The following DOCK2 variants were observed in gnomAD, a reference collection of about 807,000 sequenced individuals.
The protein encoded by DOCK2 is dedicator of cytokinesis protein 2.
In DOCK2, 87 loss-of-function variants were observed where a neutral mutation model predicts 248.9. The ratio of observed to expected loss-of-function variants is 0.35; its 90% confidence interval spans 0.29 to 0.42. The LOEUF (loss-of-function observed/expected upper bound fraction) is 0.42, where lower values mean the gene tolerates loss of function less well. Ranked by LOEUF, DOCK2 falls within the 10% of genes least tolerant of loss-of-function variation. The probability of loss-of-function intolerance (pLI) is 1.00; values close to 1 mark genes in which losing one functional copy is unlikely to be tolerated. For synonymous variants in DOCK2, 805 were observed against 821.6 expected (o/e 0.98, Z 0.35); for missense variants, 1,747 against 2,300.2 (o/e 0.76, Z 4.92).
chr5:169,731,822 A>G (rs1762789697), intron 22 of DOCK2, among the ~76,000 whole-genome samples: 1 of 151,972 alleles, frequency 6.6e-6, no homozygotes, highest in African/African-American at 2.4e-5. Context: ...TAAAATGAAG[A>G]GCTTGCCTAT....
intron 2 of DOCK2, among the ~76,000 whole-genome samples, chr5:169,666,193 G>A (rs773329531): frequency 1.3e-5 from 2 of 152,144 alleles, no homozygotes; most frequent in Non-Finnish European, 2.9e-5. Flanking sequence ...ACATGGCAGA[G>A]AGCAAAGAGA....
Position 169,810,979 on chromosome 5 carries a change from TCTCTCTCTCTCACACA to T in DOCK2, c.2703+7775_2703+7790del, listed in dbSNP as rs1767707535. The stretch of plus-strand genomic sequence containing the variant: ...TACACACACACACACAGACTCTCTC[TCTCTCTCTCTCACACA>T]CACACACACACACACACACACACAC... On this transcript the variant is annotated intron_variant, in intron 26 of 51. Coordinates refer to ENST00000520908, the MANE Select transcript of DOCK2 (RefSeq NM_004946.3). Among the ~76,000 whole-genome samples the T allele has an allele frequency of 2.9e-5, 4 of 136,298 alleles. No individual in the cohort carries two copies. In the South Asian group the frequency reaches 8.8e-4, roughly 30 times the overall value. The allele number at this position is 136,298 out of a possible 152,430, so 89.4% of individuals were successfully genotyped here.
At chr5:169,855,585 G>C (rs1178488727) in intron 27 of DOCK2, among the ~76,000 whole-genome samples, 1 of 152,204 alleles carries the variant, frequency 6.6e-6, no homozygotes, top group African/African-American at 2.4e-5. Context: ...GTGTGTCTTA[G>C]AGAGAGGCCC....
intron 6 of DOCK2, 99 bp from the exon 7 acceptor site, chr5:169,681,645 G>A: frequency 2.1e-6 from 3 of 1,414,154 alleles, no homozygotes; most frequent in South Asian, 1.5e-5. Context: ...GTGACTATAT[G>A]ACCCCCAGAA....
chr5:169,876,106 C>T, intron 27 of DOCK2, among the ~76,000 whole-genome samples: 1 of 152,184 alleles, frequency 6.6e-6, no homozygotes, highest in East Asian at 1.9e-4. Context: ...CCACGGCACT[C>T]TGACCTTTGC....
chr5:169,685,355 G>T (rs1333148090), intron 8 of DOCK2, among the ~76,000 whole-genome samples: 5 of 152,200 alleles, frequency 3.3e-5, no homozygotes, highest in African/African-American at 7.2e-5. Context: ...AGACTTTGCT[G>T]CTCCTCCGGC....
chr5:170,024,574 G>A (rs1047438805), intron 33 of DOCK2, among the ~76,000 whole-genome samples: 3 of 152,118 alleles, frequency 2.0e-5, no homozygotes, highest in Admixed American at 6.5e-5. Context: ...TGTGCCAAGT[G>A]CCTTATACGT....
At chr5:169,900,369 T>C (rs1430392887) in intron 27 of DOCK2, among the ~76,000 whole-genome samples, 2 of 152,194 alleles carry the variant, frequency 1.3e-5, no homozygotes, top group African/African-American at 4.8e-5. Flanking sequence ...TTCAAAGGTG[T>C]GCCTTGAGTC....
At chr5:169,753,439 A>G (rs1191264097) in intron 23 of DOCK2, among the ~76,000 whole-genome samples, 1 of 150,546 alleles carries the variant, frequency 6.6e-6, no homozygotes, top group African/African-American at 2.5e-5. Flanking sequence ...TATGAGCGAG[A>G]ACATTTGGTA....
chr5:169,807,071 G>A (rs7708788), intron 26 of DOCK2, among the ~76,000 whole-genome samples: 16,114 of 152,044 alleles, frequency 0.11, 1,024 homozygotes, highest in African/African-American at 0.18. Flanking sequence ...CTGGCTGGGG[G>A]TCCCCGGCTT....
At chr5:170,061,930 A>T (rs1757341327) in intron 44 of DOCK2, among the ~76,000 whole-genome samples, 1 of 152,226 alleles carries the variant, frequency 6.6e-6, no homozygotes. Context: ...GACAGATACT[A>T]GACCGTGGGT....
At chr5:169,850,687 A>G (rs2113370908) in intron 27 of DOCK2, among the ~76,000 whole-genome samples, 1 of 152,322 alleles carries the variant, frequency 6.6e-6, no homozygotes, top group Admixed American at 6.5e-5. Context: ...CATTGCCTTA[A>G]TAAGGACTTT....
intron 30 of DOCK2, among the ~76,000 whole-genome samples, chr5:170,003,646 C>T (rs1369908095): frequency 1.3e-5 from 2 of 152,132 alleles, no homozygotes; most frequent in South Asian, 2.1e-4. Context: ...CTGTGATCTC[C>T]GTGGAGTCTG....
intron 3 of DOCK2, 63 bp downstream of exon 3, chr5:169,669,391 A>G: frequency 6.3e-7 from 1 of 1,576,472 alleles, no homozygotes; most frequent in Non-Finnish European, 8.7e-7. Context: ...CCGCTATCCC[A>G]TCTGAGCAGG....
chr5:169,906,723 T>C (rs1257759604), intron 27 of DOCK2, among the ~76,000 whole-genome samples: 4 of 152,196 alleles, frequency 2.6e-5, no homozygotes, highest in African/African-American at 9.7e-5. Flanking sequence ...GCCCATTATC[T>C]TTCTGCCAAA....
At position 169,714,069 on chromosome 5, in the gene DOCK2, C is replaced by G; in HGVS notation, c.1701C>G (p.Thr567=). 4 of 1,613,016 alleles carry G rather than the reference C, an allele frequency of 2.5e-6. No individual in the cohort carries two copies. Among genetic ancestry groups the G allele is most frequent in the Non-Finnish European group, 3.4e-6 (4 of 1,179,408 alleles). Residue 567 remains threonine, a synonymous_variant, in exon 18 of 52, where the codon ACC becomes ACG. Transcript: ENST00000520908. ...TGGAGGATGCCAGCGCATACCTGAC[C>G]CTTCCTTCTTATCGACACCATGTGG... is the stretch of plus-strand genomic sequence containing the variant. ...KKMEDASAYL[T]LPSYRHHVEN...
rs534244773 is a variant in DOCK2 at position 169,852,241 on chromosome 5, A to T, written c.2799+11389A>T. ...CTGTTAGTGGAGCTGGACAAATCTG[A>T]TTTGAGACAAGTAATTTTAAGCGTG... On this transcript the variant is annotated intron_variant, in intron 27 of 51. Coordinates refer to ENST00000520908, the MANE Select transcript of DOCK2 (RefSeq NM_004946.3). Among the ~76,000 whole-genome samples the T allele has an allele frequency of 9.8e-5, 15 of 152,296 alleles. No homozygotes were observed. In the South Asian group the frequency reaches 3.1e-3, roughly 32 times the overall value.
chr5:169,826,237 A>G (rs1768847410), intron 26 of DOCK2, among the ~76,000 whole-genome samples: 1 of 152,192 alleles, frequency 6.6e-6, no homozygotes. Flanking sequence ...TTTTGTGGGT[A>G]CTCAAAAAGA....
chr5:169,685,492 T>G (rs1360565909), intron 8 of DOCK2, among the ~76,000 whole-genome samples: 2 of 152,166 alleles, frequency 1.3e-5, no homozygotes, highest in African/African-American at 2.4e-5. Flanking sequence ...CCACTGACCG[T>G]GACTGCAGGC....
Sources: allele counts gnomAD v4.1 joint callset (sites outside exome capture counted in the v4.1 genomes callset), GRCh38; gene constraint gnomAD v4.1.1; transcripts MANE v1.5; gene names NCBI Gene and HGNC (gene_info 2026-07-23, HGNC 2026-07-21).